The following APCDD1L variants were observed in gnomAD, a reference collection of about 807,000 sequenced individuals.
APCDD1L encodes the protein APC down-regulated 1 like.
A neutral mutation model predicts 24.2 loss-of-function variants in APCDD1L; 21 were observed. The ratio of observed to expected loss-of-function variants is 0.87; its 90% CI spans 0.61 to 1.25. The LOEUF (loss-of-function observed/expected upper bound fraction) is 1.25. Ranked by LOEUF, APCDD1L falls within the 50% of genes most tolerant of loss-of-function variation. APCDD1L has a pLI of 0.00. For synonymous variants in APCDD1L, 321 were observed against 323.6 expected, an observed-to-expected ratio of 0.99 and a Z score of 0.09; for missense variants, 704 against 711.7, an observed-to-expected ratio of 0.99 and a Z score of 0.12.
At chr20:58,492,803 A>G (rs973798455) in intron 1 of APCDD1L, among the ~76,000 whole-genome samples, 2 of 152,248 alleles carry the variant, frequency 1.3e-5, no homozygotes, top group Non-Finnish European at 2.9e-5. Flanking sequence ...CAATGCAAGC[A>G]TGCATACATG....
intron 1 of APCDD1L, among the ~76,000 whole-genome samples, chr20:58,482,317 G>A (rs1008225009): frequency 1.3e-5 from 2 of 152,188 alleles, no homozygotes; most frequent in Non-Finnish European, 2.9e-5. Context: ...TTACCGTGTA[G>A]AAAATTAATG....
intron 1 of APCDD1L, among the ~76,000 whole-genome samples, chr20:58,479,593 C>CTTT (rs10580833): frequency 0.019 from 2,423 of 125,360 alleles, 79 homozygotes; most frequent in African/African-American, 0.067. Context: ...TTAAGATTTG[C>CTTT]TTTTTTTTTT....
chr20:58,476,161 T>C (rs1332400264), intron 1 of APCDD1L, among the ~76,000 whole-genome samples: 1 of 152,168 alleles, frequency 6.6e-6, no homozygotes, highest in Non-Finnish European at 1.5e-5. Context: ...CATTCATTCA[T>C]TTCTTCTCCC....
intron 1 of APCDD1L, among the ~76,000 whole-genome samples, chr20:58,507,085 A>C (rs572938778): frequency 2.0e-5 from 3 of 152,188 alleles, no homozygotes; most frequent in South Asian, 4.1e-4. Context: ...GCCTGGTGGG[A>C]GGTAATTGAA....
intron 1 of APCDD1L, among the ~76,000 whole-genome samples, chr20:58,472,287 T>C (rs965276648): frequency 6.6e-6 from 1 of 152,154 alleles, no homozygotes; most frequent in African/African-American, 2.4e-5. Context: ...TTTTATACAT[T>C]ATTCCCATCT....
At position 58,494,876 on chromosome 20, in the gene APCDD1L, G is replaced by A. The variant is rs118139953; in HGVS notation, c.49+19783C>T. Among the ~76,000 whole-genome samples the A allele has an allele frequency of 0.018, 2,714 of 152,176 alleles. 37 individuals are homozygous for A. The highest frequency in any genetic ancestry group is 0.037 in the Middle Eastern group (11 of 294). ...CCACCCTGGGGCCTGTGCACTTGCC[G>A]GTCTGTCTGCCAGGAATGCTCTTTT... On this transcript the variant is annotated intron_variant, in intron 1 of 3. Transcript: ENST00000371149. The surrounding 1 kb of genome is among the most constrained non-coding windows in gnomAD (Gnocchi z 4.8).
rs1327458371 is a variant in APCDD1L at position 58,461,357 on chromosome 20, C to T, written c.939G>A (p.Gly313=). Residue 313 remains glycine (G), a synonymous_variant, in exon 4 of 4, where the codon GGG becomes GGA. Transcript: ENST00000371149. The surrounding 1 kb of genome is among the most constrained non-coding windows in gnomAD (Gnocchi z 6.0). The part of the protein sequence containing the change: ...TFHGHSRSWE[G]YYHHFSDPAC... ...CTGGGTCTGAGAAGTGGTGGTAATA[C>T]CCTTCCCAGGAGCGGCTGTGCCCGT... is the stretch of plus-strand genomic sequence containing the variant. 40 of 1,582,488 alleles carry T rather than the reference C, an allele frequency of 2.5e-5. No homozygotes were observed. The highest frequency in any genetic ancestry group is 3.4e-5 in the Non-Finnish European group (39 of 1,159,628).
chr20:58,475,901 T>C (rs1274980110), intron 1 of APCDD1L, among the ~76,000 whole-genome samples: 1 of 152,120 alleles, frequency 6.6e-6, no homozygotes, highest in Non-Finnish European at 1.5e-5. Flanking sequence ...TGCACCTGTG[T>C]CCAAATCTCC....
chr20:58,514,546 G>T, intron 1 of APCDD1L, 113 bp downstream of exon 1: 1 of 1,071,386 alleles, frequency 9.3e-7, no homozygotes, highest in South Asian at 4.7e-5. Flanking sequence ...CATAGCAGCC[G>T]CGTGGGCCGA....
chr20:58,508,258 A>C lies in APCDD1L; in HGVS notation c.49+6401T>G, dbSNP rs939606459. 7.9e-5 allele frequency among the ~76,000 whole-genome samples: 12 copies of C among 152,222 alleles called. No homozygotes were observed. The highest frequency in any genetic ancestry group is 7.9e-4 in the Admixed American group (12 of 15,286). The stretch of plus-strand genomic sequence containing the variant: ...TGGACAGGCTGGTGGGCTCTGAGTG[A>C]CTGCTTCATGGTGGTGCTTCCAGCC... On this transcript the variant is annotated intron_variant, in intron 1 of 3. Transcript: ENST00000371149. The surrounding 1 kb of genome is among the most constrained non-coding windows in gnomAD (Gnocchi z 4.0).
At chr20:58,502,072 C>G (rs918903941) in intron 1 of APCDD1L, among the ~76,000 whole-genome samples, 2 of 152,176 alleles carry the variant, frequency 1.3e-5, no homozygotes, top group Non-Finnish European at 2.9e-5. Flanking sequence ...TCTCACAGTG[C>G]TTGTCACCAT....
chr20:58,507,586 ACCATCTGTT>A (rs1339170356), intron 1 of APCDD1L, among the ~76,000 whole-genome samples: 3 of 152,082 alleles, frequency 2.0e-5, no homozygotes, highest in African/African-American at 7.2e-5. Flanking sequence ...GGAATATCTG[ACCATCTGTT>A]CTCCCCTCTG....
chr20:58,478,361 CTCCT>C (rs140717243), intron 1 of APCDD1L, among the ~76,000 whole-genome samples: 59 of 148,974 alleles, frequency 4.0e-4, no homozygotes, highest in African/African-American at 7.9e-4. Flanking sequence ...TTTTTCTTTT[CTCCT>C]TCCTTCCTTC....
rs1235711337 is a variant in APCDD1L at position 58,494,447 on chromosome 20, C to T, written c.49+20212G>A. On this transcript the variant is annotated intron_variant, in intron 1 of 3. Coordinates refer to ENST00000371149, the MANE Select transcript of APCDD1L (RefSeq NM_153360.3). The surrounding 1 kb of genome is among the most constrained non-coding windows in gnomAD (Gnocchi z 4.8). The stretch of plus-strand genomic sequence containing the variant: ...TCCCCGGCTCAAGCCATCCTCTGGC[C>T]TCAGCCTCCTGAGTAGCTGGGATTA... Among the ~76,000 whole-genome samples the T allele has an allele frequency of 6.6e-6, 1 of 152,150 alleles. No individual in the cohort carries two copies. The highest frequency in any genetic ancestry group is 6.6e-5 in the Admixed American group (1 of 15,264).
chr20:58,513,196 C>T (rs1990663511), intron 1 of APCDD1L, among the ~76,000 whole-genome samples: 1 of 152,186 alleles, frequency 6.6e-6, no homozygotes, highest in Non-Finnish European at 1.5e-5. Context: ...CACCCGGTTT[C>T]CCCATCCTGT....
chr20:58,484,644 T>A (rs890031971), intron 1 of APCDD1L, among the ~76,000 whole-genome samples: 3 of 152,126 alleles, frequency 2.0e-5, no homozygotes, highest in Admixed American at 2.0e-4. Flanking sequence ...CTAACACACA[T>A]TCACACATTC....
Position 58,467,312 on chromosome 20 carries a change from C to T in APCDD1L, c.535G>A (p.Ala179Thr). Residue 179 changes from alanine (A) to threonine (T), a missense_variant, in exon 3 of 4, where the codon GCC becomes ACC. Physicochemically the swap from Ala to Thr is moderately conservative, Grantham distance 58. Coordinates refer to ENST00000371149, the MANE Select transcript of APCDD1L (RefSeq NM_153360.3). The surrounding 1 kb of genome is among the most constrained non-coding windows in gnomAD (Gnocchi z 5.9). ...LPGALYELRS[A>T]RAQGDCLEAL... Reference sequence around the variant, plus strand: ...TCCAGGCAGTCCCCCTGAGCCCGGGCGCTCCGCAGCTCGTACAGCGCCCCA... The same window carrying T: ...TCCAGGCAGTCCCCCTGAGCCCGGGTGCTCCGCAGCTCGTACAGCGCCCCA... The T allele has an allele frequency of 6.6e-7, 1 of 1,523,292 alleles. No individual in the cohort carries two copies. The highest frequency in any genetic ancestry group is 8.8e-7 in the Non-Finnish European group (1 of 1,141,964). 94.4% of individuals were successfully genotyped at this position (1,523,292 alleles called of 1,614,324 possible).
chr20:58,503,311 T>A (rs532664067), intron 1 of APCDD1L, among the ~76,000 whole-genome samples: 16 of 152,282 alleles, frequency 1.1e-4, no homozygotes, highest in African/African-American at 2.9e-4. Context: ...CACTGGCAAG[T>A]TGGTCTTAAT....
At chr20:58,492,431 T>C (rs1029822411) in intron 1 of APCDD1L, among the ~76,000 whole-genome samples, 2 of 152,198 alleles carry the variant, frequency 1.3e-5, no homozygotes, top group Admixed American at 6.5e-5. Context: ...TAAAGATATA[T>C]AGAGACGTCA....
Sources: allele counts gnomAD v4.1 joint callset (sites outside exome capture counted in the v4.1 genomes callset), GRCh38; gene constraint gnomAD v4.1.1; non-coding constraint Gnocchi (gnomAD v3.1); transcripts MANE v1.5; gene names NCBI Gene and HGNC (gene_info 2026-07-23, HGNC 2026-07-21).